SH2B1: variants seen among roughly 807,000 people sequenced by gnomAD.
SH2B1 encodes SH2B adapter protein 1.
SH2B1 carries 15 observed loss-of-function variants against 62.6 expected under a neutral mutation model. That is an observed-to-expected ratio of 0.24 (90% CI 0.16 to 0.37). The LOEUF is 0.37. SH2B1 is among the 10% of genes least tolerant of loss of function. The probability of loss-of-function intolerance (pLI) is 1.00; values close to 1 mark genes in which losing one functional copy is unlikely to be tolerated. For missense variants in SH2B1, 925 were observed against 1,015.6 expected, an observed-to-expected ratio of 0.91 and a Z score of 1.21; for synonymous variants, 443 against 438.0, an observed-to-expected ratio of 1.01 and a Z score of -0.14.
At chr16:28,855,590 T>G (rs1962301542) in intron 1 of SH2B1, among the ~76,000 whole-genome samples, 1 of 151,894 alleles carries the variant, frequency 6.6e-6, no homozygotes, top group Non-Finnish European at 1.5e-5. Context: ...CTATTTTGCT[T>G]GTTTTCTTCC....
At chr16:28,852,261 CAT>C (rs1156273952) in intron 1 of SH2B1, among the ~76,000 whole-genome samples, 51 of 71,726 alleles carry the variant, frequency 7.1e-4, no homozygotes, top group African/African-American at 2.4e-3. Flanking sequence ...TATATATTTA[CAT>C]ATATATATTT....
Position 28,866,860 on chromosome 16 carries a change from A to C in SH2B1, c.766A>C (p.Met256Leu). ...MVQREELLSF[M>L]GAEEAAPDPA... ...GCAGAGGGAAGAGCTGCTGAGTTTC[A>C]TGGGGGCTGAGGAGGCAGCCCCTGA... Residue 256 changes from methionine to leucine, a missense_variant, in exon 1 of 8, where the codon ATG becomes CTG. Physicochemically the swap from Met to Leu is conservative, Grantham distance 15. Coordinates refer to ENST00000684370, the MANE Select transcript of SH2B1 (RefSeq NM_001387430.1). The surrounding 1 kb of genome is among the most constrained non-coding windows in gnomAD (Gnocchi z 6.3). 6.2e-7 allele frequency: 1 copy of C among 1,608,022 alleles called. No individual in the cohort carries two copies. Among genetic ancestry groups the C allele is most frequent in the Non-Finnish European group, 8.5e-7 (1 of 1,177,254 alleles).
In SH2B1 at chr16:28,852,820, A is replaced by T. The variant is rs1455101015; in HGVS notation, c.-301+5993A>T. The stretch of plus-strand genomic sequence containing the variant: ...TACATATATATTTACATATATTTAC[A>T]TATATATTTATATATATATACATAT... On this transcript the variant is annotated intron_variant, in intron 1 of 10. Transcript: ENST00000322610. Among the ~76,000 whole-genome samples, 10 of 42,968 alleles carry T rather than the reference A, an allele frequency of 2.3e-4. 2 individuals carry two copies. In the East Asian group the frequency reaches 3.1e-3, roughly 13 times the overall value. The allele number at this position is 42,968 out of a possible 152,430, so 28.2% of individuals were successfully genotyped here.
intron 1 of SH2B1, among the ~76,000 whole-genome samples, chr16:28,848,672 T>C (rs1369172675): frequency 2.6e-5 from 2 of 77,756 alleles, no homozygotes; most frequent in African/African-American, 6.2e-5. Context: ...ACTGTCCTTT[T>C]TTTTTTTTTT....
chr16:28,847,431 A>G (rs866878243), intron 1 of SH2B1, among the ~76,000 whole-genome samples: 1 of 152,138 alleles, frequency 6.6e-6, no homozygotes, highest in Admixed American at 6.6e-5. Flanking sequence ...GTTTGTTTCA[A>G]ATAGATTCCC....
At chr16:28,859,123 T>C (rs1026218994), upstream of SH2B1, among the ~76,000 whole-genome samples, 58 of 151,838 alleles carry the variant, frequency 3.8e-4, no homozygotes, top group Admixed American at 3.8e-3. Context: ...TTTGTATTTG[T>C]TGTAGAGATG....
chr16:28,859,528 G>A (rs1457240558), upstream of SH2B1, among the ~76,000 whole-genome samples: 1 of 152,046 alleles, frequency 6.6e-6, no homozygotes, highest in African/African-American at 2.4e-5. Context: ...CTACTTACGA[G>A]ATGACAACCT....
In SH2B1 at chr16:28,873,504, C is replaced by T; in HGVS notation, c.1955C>T (p.Pro652Leu). 1 of 1,591,504 alleles carries T rather than the reference C, an allele frequency of 6.3e-7. No homozygotes were observed. The highest frequency in any genetic ancestry group is 8.5e-7 in the Non-Finnish European group (1 of 1,170,888). ...CCTGAACCCCCTTCATGGACAGATC[C>T]CCCACAGCCTGGGGCAGAAGAGGCG... ...QPPEPPSWTD[P>L]PQPGAEEASR... Residue 652 changes from proline (P) to leucine (L), a missense_variant, in exon 8 of 8, where the codon CCC (proline) becomes CTC (leucine). By Grantham distance (98) the Pro-to-Leu change is moderately conservative. This residue lies in a region of SH2B1 where 185 missense variants were observed against 189.5 expected (regional missense o/e 0.98). Transcript: ENST00000684370. The surrounding 1 kb of genome is among the most constrained non-coding windows in gnomAD (Gnocchi z 4.2).
chr16:28,866,154 AC>A lies in SH2B1; in HGVS notation c.65del (p.Pro22ArgfsTer74). The A allele has an allele frequency of 1.0e-6, 1 of 960,438 alleles. No homozygotes were observed. Among genetic ancestry groups the A allele is most frequent in the Non-Finnish European group, 1.3e-6 (1 of 751,964 alleles). 59.5% of individuals were successfully genotyped at this position (960,438 alleles called of 1,614,324 possible). ...ASPSSPPLPPPPPPSWREFCE... is the reference protein window; with the variant it reads ...ASPSSPPLPPXPPPSWREFCE... ...CCCCCTCGTCTCCCCCGCTGCCCCC[AC>A]CCCCGCCCCCTAGTTGGCGGGAGTT... On this transcript the variant is annotated frameshift_variant, in exon 1 of 8. Coordinates refer to ENST00000684370, the MANE Select transcript of SH2B1 (RefSeq NM_001387430.1). LOFTEE classifies it high-confidence loss of function. The surrounding 1 kb of genome is among the most constrained non-coding windows in gnomAD (Gnocchi z 6.3).
Position 28,871,904 on chromosome 16 carries a change from T to G in SH2B1, c.1434T>G (p.Ile478Met). Reference sequence around the variant, plus strand: ...CAGAGTTGCCCCCCCGCATCCCCATTGAAGAGGGACCCCCAACAGGGACAG... The same window carrying G: ...CAGAGTTGCCCCCCCGCATCCCCATGGAAGAGGGACCCCCAACAGGGACAG... ...LPPELPPRIPIEEGPPTGTVH... is the reference protein window; with the variant it reads ...LPPELPPRIPMEEGPPTGTVH... Residue 478 changes from isoleucine (I) to methionine (M), a missense_variant, in exon 5 of 8, where the codon ATT becomes ATG. Physicochemically the swap from Ile to Met is conservative, Grantham distance 10. Around this residue, in one of 3 missense-constraint regions of SH2B1, gnomAD observed 683 missense variants for 704.0 expected, o/e 0.97. Transcript: ENST00000684370. 6.9e-7 allele frequency: 1 copy of G among 1,448,664 alleles called. No homozygotes were observed. Among genetic ancestry groups the G allele is most frequent in the Non-Finnish European group, 9.4e-7 (1 of 1,069,114 alleles). The allele number at this position is 1,448,664 out of a possible 1,614,324, so 89.7% of individuals were successfully genotyped here. A position where few individuals can be genotyped will look rare whatever the true frequency, so the allele number is the denominator to read the frequency against.
chr16:28,872,547 C>T lies in SH2B1; in HGVS notation c.1739C>T (p.Ser580Leu), dbSNP rs373897209. The T allele has an allele frequency of 3.7e-6, 6 of 1,610,744 alleles. No individual in the cohort carries two copies. Among genetic ancestry groups the T allele is most frequent in the Non-Finnish European group, 5.1e-6 (6 of 1,177,366 alleles). Residue 580 changes from serine (S) to leucine (L), a missense_variant, in exon 7 of 8, where the codon TCG becomes TTG. Physicochemically the swap from Ser to Leu is moderately radical, Grantham distance 145. This residue lies in a region of SH2B1 where 57 missense variants were observed against 122.1 expected (regional missense o/e 0.47). Coordinates refer to ENST00000684370, the MANE Select transcript of SH2B1 (RefSeq NM_001387430.1). This position sits in a 1 kb window ranked among gnomAD's most constrained non-coding sequence, Gnocchi z 5.3. ...FQGKAKHLRL[S>L]LNEEGQCRVQ... ...TCCCGCCCTCAGCACCTGCGTTTGT[C>T]GCTGAACGAGGAGGGTCAGTGCCGG...
chr16:28,869,688 C>G (rs1010650974), intron 4 of SH2B1, among the ~76,000 whole-genome samples: 1 of 152,182 alleles, frequency 6.6e-6, no homozygotes, highest in Admixed American at 6.5e-5. Flanking sequence ...GTGGTTTTCT[C>G]CAAGCTTCTG....
chr16:28,849,599 CAG>C (rs1369138895), intron 1 of SH2B1, among the ~76,000 whole-genome samples: 1 of 151,800 alleles, frequency 6.6e-6, no homozygotes, highest in Non-Finnish European at 1.5e-5. Context: ...TTTAAAAAAA[CAG>C]ATCAACTTAA....
chr16:28,864,842 A>T lies in SH2B1; in HGVS notation c.-1253A>T, dbSNP rs1962598448. On this transcript the variant is annotated 5_prime_UTR_variant, in exon 1 of 8. Coordinates refer to ENST00000684370, the MANE Select transcript of SH2B1 (RefSeq NM_001387430.1). ...TCTTCTCCCACATGAAGATAGTAACAATGGCAGTCGTTCAGCGGATGCTTA... is the reference window on the plus strand; with the variant it reads ...TCTTCTCCCACATGAAGATAGTAACTATGGCAGTCGTTCAGCGGATGCTTA... 4.0e-6 allele frequency: 1 copy of T among 251,726 alleles called. No individual in the cohort carries two copies. The highest frequency in any genetic ancestry group is 6.3e-6 in the Non-Finnish European group (1 of 159,376). The allele number at this position is 251,726 out of a possible 1,614,324, so 15.6% of individuals were successfully genotyped here.
At chr16:28,852,553 C>CATAT (rs1164278974) in intron 1 of SH2B1, among the ~76,000 whole-genome samples, 3 of 9,582 alleles carry the variant, frequency 3.1e-4, no homozygotes, top group Admixed American at 2.1e-3. Flanking sequence ...TATATATACA[C>CATAT]ATATTTATAT....
At chr16:28,854,914 C>T (rs1230188152) in intron 1 of SH2B1, among the ~76,000 whole-genome samples, 6 of 152,256 alleles carry the variant, frequency 3.9e-5, no homozygotes, top group African/African-American at 1.2e-4. Context: ...CTCGTTCTGT[C>T]GCCCAGGCTG....
chr16:28,850,747 T>C (rs971006035), intron 1 of SH2B1, among the ~76,000 whole-genome samples: 1 of 150,118 alleles, frequency 6.7e-6, no homozygotes, highest in African/African-American at 2.5e-5. Flanking sequence ...TAGTCCCAGC[T>C]ACTTGGGAGG....
chr16:28,860,325 C>T (rs906507496), upstream of SH2B1, among the ~76,000 whole-genome samples: 1 of 150,262 alleles, frequency 6.7e-6, no homozygotes. Flanking sequence ...GATCTTGGCT[C>T]ACTGCGACCT....
Position 28,866,499 on chromosome 16 carries a change from C to T in SH2B1, c.405C>T (p.Ser135=), listed in dbSNP as rs201092427. The part of the protein sequence containing the change: ...SSEDLAGPLP[S]SVSSSSTTSS... ...AGGACCTGGCCGGCCCCCTCCCTTC[C>T]TCAGTCTCTTCCTCCTCTACAACCT... Residue 135 remains serine, a synonymous_variant, in exon 1 of 8, where the codon TCC becomes TCT. Coordinates refer to ENST00000684370, the MANE Select transcript of SH2B1 (RefSeq NM_001387430.1). This position sits in a 1 kb window ranked among gnomAD's most constrained non-coding sequence, Gnocchi z 6.3. 5 of 1,613,986 alleles carry T rather than the reference C, an allele frequency of 3.1e-6. No individual in the cohort carries two copies. Among genetic ancestry groups the T allele is most frequent in the Non-Finnish European group, 4.2e-6 (5 of 1,180,030 alleles).
Sources: gnomAD v4.1 joint callset for allele counts (sites outside exome capture counted in the v4.1 genomes callset) on GRCh38, gnomAD v4.1.1 for gene constraint, gnomAD v4.1.1 regional missense constraint, Gnocchi (gnomAD v3.1) non-coding constraint, MANE v1.5 for transcripts, NCBI Gene and HGNC (gene_info 2026-07-23, HGNC 2026-07-21) for gene names.